The following MINDY4 variants were observed in gnomAD, a reference collection of about 807,000 sequenced individuals.
MINDY4 encodes MINDY lysine 48 deubiquitinase 4, also known as probable ubiquitin carboxyl-terminal hydrolase MINDY-4.
A neutral mutation model predicts 87.0 loss-of-function variants in MINDY4; 68 were observed. That is an observed-to-expected ratio of 0.78 (90% CI 0.64 to 0.96). The LOEUF (loss-of-function observed/expected upper bound fraction) is 0.96, where lower values mean the gene tolerates loss of function less well. Among genes scored for constraint, MINDY4 ranks in the 40% least tolerant of loss-of-function variants. The pLI, the probability that MINDY4 is intolerant of heterozygous loss-of-function variation, is 0.00. For synonymous variants in MINDY4, 379 were observed against 363.2 expected, an observed-to-expected ratio of 1.04 and a Z score of -0.50; for missense variants, 919 against 928.2, an observed-to-expected ratio of 0.99 and a Z score of 0.13.
Position 30,882,933 on chromosome 7 carries a change from C to A in MINDY4, c.2165C>A (p.Thr722Asn). The A allele has an allele frequency of 6.2e-7, 1 of 1,613,994 alleles. No individual in the cohort carries two copies. Among genetic ancestry groups the A allele is most frequent in the East Asian group, 2.2e-5 (1 of 44,848 alleles). Residue 722 changes from threonine to asparagine, a missense_variant, in exon 17 of 18, where the codon ACC (threonine) becomes AAC (asparagine). Thr to Asn is a moderately conservative substitution (Grantham distance 65, BLOSUM62 0). Coordinates refer to ENST00000265299, the MANE Select transcript of MINDY4 (RefSeq NM_032222.3). ...TCCTCCTTCCCAGACACCACCCAAA[C>A]CATCTCTGAGGACACAGACAACGAC... Reference protein sequence around the residue: ...QIRLTIDTTQTISEDTDNDLV... With the variant: ...QIRLTIDTTQNISEDTDNDLV...
rs144591416 is a variant in MINDY4, at chr7:30,774,492, G to A, written c.63+2936G>A. On this transcript the variant is annotated intron_variant, in intron 1 of 17. Coordinates refer to ENST00000265299, the MANE Select transcript of MINDY4 (RefSeq NM_032222.3). ...ATCCCATCTTGACCCCCAAACCCTA[G>A]CTACTGGTTTATTATTTCCTCCCTT... Among the ~76,000 whole-genome samples, 16 of 152,120 alleles carry A rather than the reference G, an allele frequency of 1.1e-4. No homozygotes were observed. In the East Asian group the frequency reaches 2.7e-3, roughly 26 times the overall value.
chr7:30,865,697 T>C (rs1051892266), intron 13 of MINDY4, among the ~76,000 whole-genome samples: 2 of 152,234 alleles, frequency 1.3e-5, no homozygotes, highest in Non-Finnish European at 2.9e-5. Context: ...CTTAGGCCTT[T>C]GTTGTCTTGT....
chr7:30,887,146 C>T (rs1202420224), intron 17 of MINDY4, among the ~76,000 whole-genome samples: 1 of 152,198 alleles, frequency 6.6e-6, no homozygotes, highest in African/African-American at 2.4e-5. Context: ...ACCCCCACTC[C>T]CTGCGGAACC....
chr7:30,840,894 C>T, intron 9 of MINDY4, 46 bp downstream of exon 9: 5 of 1,536,020 alleles, frequency 3.3e-6, no homozygotes, highest in Non-Finnish European at 4.5e-6. Context: ...CCCAAGTCTT[C>T]CCCAGAGTGT....
chr7:30,878,000 C>T (rs1381558479), intron 15 of MINDY4, among the ~76,000 whole-genome samples: 1 of 151,688 alleles, frequency 6.6e-6, no homozygotes, highest in East Asian at 1.9e-4. Context: ...TCTTTAACAC[C>T]ACCTTCCATC....
At position 30,791,761 on chromosome 7, in the gene MINDY4, A is replaced by G. The variant is rs541684683; in HGVS notation, c.1073+187A>G. Among the ~76,000 whole-genome samples, 6 of 152,330 alleles carry G rather than the reference A, an allele frequency of 3.9e-5. No homozygotes were observed. In the East Asian group the frequency reaches 1.2e-3, roughly 29 times the overall value. ...GGAAGAAAACTCAGCCAGAGCTCACACACCTGGAAAGCTGAAGAATGCTCT... is the reference window on the plus strand; with the variant it reads ...GGAAGAAAACTCAGCCAGAGCTCACGCACCTGGAAAGCTGAAGAATGCTCT... On this transcript the variant is annotated intron_variant, in intron 5 of 17. Coordinates refer to ENST00000265299, the MANE Select transcript of MINDY4 (RefSeq NM_032222.3).
At chr7:30,866,591 G>A (rs983750620) in intron 13 of MINDY4, among the ~76,000 whole-genome samples, 6 of 152,198 alleles carry the variant, frequency 3.9e-5, no homozygotes, top group African/African-American at 7.2e-5. Context: ...CTTAGGAAGC[G>A]GAGGAGAGAT....
chr7:30,891,305 A>C (rs950392947), intron 17 of MINDY4, among the ~76,000 whole-genome samples: 1 of 152,218 alleles, frequency 6.6e-6, no homozygotes, highest in African/African-American at 2.4e-5. Context: ...AGGAAATGTC[A>C]TGGTCTCACC....
At chr7:30,857,553 A>G (rs1717606318) in intron 12 of MINDY4, among the ~76,000 whole-genome samples, 1 of 65,172 alleles carries the variant, frequency 1.5e-5, no homozygotes, top group African/African-American at 2.8e-4. Flanking sequence ...GCTCACTGCA[A>G]GCTCCGCCTC....
At chr7:30,869,240 G>A (rs1215473478) in intron 13 of MINDY4, among the ~76,000 whole-genome samples, 2 of 152,224 alleles carry the variant, frequency 1.3e-5, no homozygotes, top group Non-Finnish European at 2.9e-5. Flanking sequence ...AGTCACAGCT[G>A]TGGCTCAGGT....
chr7:30,871,683 C>T (rs1790111109), intron 13 of MINDY4, among the ~76,000 whole-genome samples: 3 of 152,172 alleles, frequency 2.0e-5, no homozygotes, highest in Admixed American at 2.0e-4. Flanking sequence ...GAGCTGGGCA[C>T]CCTTGAGCAA....
At position 30,805,029 on chromosome 7, in the gene MINDY4, T is replaced by C. The variant is rs560837218; in HGVS notation, c.1073+13455T>C. Among the ~76,000 whole-genome samples, 7 of 152,346 alleles carry C rather than the reference T, an allele frequency of 4.6e-5. 1 individual carries two copies. In the Middle Eastern group the frequency reaches 0.017, roughly 370 times the overall value. On this transcript the variant is annotated intron_variant, in intron 5 of 17. Transcript: ENST00000265299. Reference sequence around the variant, plus strand: ...GCCCCAAGAGCCAGACCTTCTTCTCTAGGCAATAGAGAGGGATAGAAAGTT... The same window carrying C: ...GCCCCAAGAGCCAGACCTTCTTCTCCAGGCAATAGAGAGGGATAGAAAGTT...
chr7:30,851,942 G>C (rs1789426474), intron 10 of MINDY4, among the ~76,000 whole-genome samples: 2 of 152,196 alleles, frequency 1.3e-5, no homozygotes. Context: ...CTACTGCCAG[G>C]GCTTGGGTTT....
chr7:30,857,878 T>C (rs951709992), intron 12 of MINDY4: 26 of 152,214 alleles, frequency 1.7e-4, no homozygotes, highest in African/African-American at 6.3e-4. Flanking sequence ...AGAGTATATT[T>C]TGAGGAAAAG....
chr7:30,801,784 G>C (rs186538870), intron 5 of MINDY4, among the ~76,000 whole-genome samples: 3 of 152,190 alleles, frequency 2.0e-5, no homozygotes, highest in Non-Finnish European at 4.4e-5. Context: ...AGAGGAAAGA[G>C]ATTTCCCTTG....
chr7:30,784,620 C>G (rs1336985457), intron 3 of MINDY4, among the ~76,000 whole-genome samples: 1 of 152,246 alleles, frequency 6.6e-6, no homozygotes, highest in Non-Finnish European at 1.5e-5. Flanking sequence ...CCGGCTGCTC[C>G]CCTGAGCACA....
At position 30,861,277 on chromosome 7, in the gene MINDY4, C is replaced by T. The variant is rs1789757672; in HGVS notation, c.1745+1953C>T. On this transcript the variant is annotated intron_variant, in intron 13 of 17. Transcript: ENST00000265299. The stretch of plus-strand genomic sequence containing the variant: ...CTAAGACGACAGTGTGTAGGCAGGT[C>T]TCATTGCCAGCGGTAAGGATAGCGT... 1.3e-5 allele frequency among the ~76,000 whole-genome samples: 2 copies of T among 152,202 alleles called. 1 individual carries two copies. Among genetic ancestry groups the T allele is most frequent in the Admixed American group, 1.3e-4 (2 of 15,284 alleles).
chr7:30,864,864 A>G (rs766549684), intron 13 of MINDY4, among the ~76,000 whole-genome samples: 11 of 152,338 alleles, frequency 7.2e-5, no homozygotes, highest in East Asian at 1.9e-4. Context: ...AGAGATCACC[A>G]AGCTTTCTGT....
At chr7:30,834,515 C>T (rs1372037504) in intron 6 of MINDY4, among the ~76,000 whole-genome samples, 1 of 152,238 alleles carries the variant, frequency 6.6e-6, no homozygotes, top group Non-Finnish European at 1.5e-5. Context: ...GAGGGCGTGC[C>T]ATGAAGACCT....
Sources: gnomAD v4.1 joint callset for allele counts (sites outside exome capture counted in the v4.1 genomes callset) on GRCh38, gnomAD v4.1.1 for gene constraint, MANE v1.5 for transcripts, NCBI Gene and HGNC (gene_info 2026-07-23, HGNC 2026-07-21) for gene names.